Variants in MYO16 observed in about 807,000 individuals in gnomAD.
MYO16 encodes the protein unconventional myosin-XVI.
MYO16 carries 94 observed loss-of-function variants against 205.3 expected under a neutral mutation model. The observed-to-expected ratio is 0.46, with a 90% CI of 0.39 to 0.54. MYO16 has a LOEUF of 0.54. Ranked by LOEUF, MYO16 falls within the 20% of genes least tolerant of loss-of-function variation. The pLI, the probability that MYO16 is intolerant of heterozygous loss-of-function variation, is 0.00. For synonymous variants in MYO16, 988 were observed against 954.0 expected, an observed-to-expected ratio of 1.04 and a Z score of -0.66; for missense variants, 2,315 against 2,387.5, an observed-to-expected ratio of 0.97 and a Z score of 0.63.
chr13:108,650,055 T>C (rs1880930360), intron 1 of MYO16, among the ~76,000 whole-genome samples: 1 of 152,130 alleles, frequency 6.6e-6, no homozygotes, highest in Non-Finnish European at 1.5e-5. Context: ...AAATGTGAAC[T>C]TTAGTTTTGT....
intron 6 of MYO16, among the ~76,000 whole-genome samples, chr13:108,798,979 A>C (rs944325041): frequency 1.3e-5 from 2 of 151,898 alleles, no homozygotes; most frequent in East Asian, 1.9e-4. Context: ...TGCTGGGATT[A>C]CAGGCGTGAG....
At chr13:108,552,471 A>G in the MYO16 span, among the ~76,000 whole-genome samples, 1 of 152,100 alleles carries the variant, frequency 6.6e-6, no homozygotes, top group Non-Finnish European at 1.5e-5. Context: ...CCTGAGGTGC[A>G]GGAGCTTCCT....
At chr13:109,092,313 T>C (rs775840603) in intron 27 of MYO16, among the ~76,000 whole-genome samples, 10 of 152,208 alleles carry the variant, frequency 6.6e-5, no homozygotes, top group Non-Finnish European at 1.5e-4. Flanking sequence ...TAAAATTCAC[T>C]ATGTTTTAAA....
At chr13:108,557,426 G>A in the MYO16 span, among the ~76,000 whole-genome samples, 1 of 152,044 alleles carries the variant, frequency 6.6e-6, no homozygotes, top group South Asian at 2.1e-4. Flanking sequence ...TTGTTTGTGT[G>A]CACAAACCAT....
chr13:108,555,340 A>G, the MYO16 span, among the ~76,000 whole-genome samples: 7 of 152,330 alleles, frequency 4.6e-5, no homozygotes, highest in South Asian at 1.0e-3. Flanking sequence ...TAAAAATTGA[A>G]TGTGTTCATT....
chr13:108,842,829 C>T (rs1050757017), intron 9 of MYO16, among the ~76,000 whole-genome samples: 2 of 151,972 alleles, frequency 1.3e-5, no homozygotes, highest in Non-Finnish European at 2.9e-5. Context: ...GCATTATTCA[C>T]GATAGTAATA....
At chr13:109,191,672 A>G (rs1879922933) in intron 34 of MYO16, among the ~76,000 whole-genome samples, 1 of 152,212 alleles carries the variant, frequency 6.6e-6, no homozygotes, top group Non-Finnish European at 1.5e-5. Context: ...GTGTGGCTGC[A>G]GTGAGATTAC....
intron 10 of MYO16, among the ~76,000 whole-genome samples, chr13:108,848,963 C>T (rs1355331526): frequency 2.6e-5 from 4 of 151,158 alleles, no homozygotes; most frequent in East Asian, 3.9e-4. Flanking sequence ...CATGTGTGCA[C>T]GAGCACACAG....
intron 23 of MYO16, among the ~76,000 whole-genome samples, chr13:109,022,706 TATATATACGCATATAAACATATGTA>T (rs1217798302): frequency 0.019 from 2,100 of 113,066 alleles, 141 homozygotes; most frequent in South Asian, 0.029. Flanking sequence ...ATTTATATAT[TATATATACGCATATAAACATATGTA>T]TATATTATAT....
intron 31 of MYO16, among the ~76,000 whole-genome samples, chr13:109,137,200 A>C (rs1486382088): frequency 1.3e-5 from 2 of 152,294 alleles, no homozygotes; most frequent in Admixed American, 6.5e-5. Context: ...TGTACATGGA[A>C]GTCAGGGCTA....
At chr13:108,970,401 G>A (rs567358228) in intron 20 of MYO16, among the ~76,000 whole-genome samples, 1 of 152,266 alleles carries the variant, frequency 6.6e-6, no homozygotes, top group African/African-American at 2.4e-5. Context: ...CAGGTCCCGA[G>A]ACTTTTCTGG....
intron 23 of MYO16, among the ~76,000 whole-genome samples, chr13:109,022,376 TATATACAA>T (rs1187829595): frequency 1.3e-5 from 1 of 79,820 alleles, no homozygotes; most frequent in East Asian, 3.4e-4. Context: ...GTATGTATTA[TATATACAA>T]ATATACATAT....
Position 109,042,462 on chromosome 13 carries a change from G to A in MYO16, c.2797-4454G>A, listed in dbSNP as rs149881541. On this transcript the variant is annotated intron_variant, in intron 23 of 34. Coordinates refer to ENST00000457511, the MANE Select transcript of MYO16 (RefSeq NM_001198950.3). ...TTCACAAAAATTTGCAAGATGTCCC[G>A]GAGGGAATACTTGATTCCAAATTTA... Among the ~76,000 whole-genome samples, 60 of 152,166 alleles carry A rather than the reference G, an allele frequency of 3.9e-4. No homozygotes were observed. In the Middle Eastern group the frequency reaches 0.014, roughly 35 times the overall value.
intron 28 of MYO16, among the ~76,000 whole-genome samples, chr13:109,119,421 CT>C (rs1418640921): frequency 6.6e-6 from 1 of 152,182 alleles, no homozygotes; most frequent in Non-Finnish European, 1.5e-5. Flanking sequence ...AGAATATCAT[CT>C]CAGAGCTTCC....
intron 28 of MYO16, among the ~76,000 whole-genome samples, chr13:109,116,250 A>C (rs943982334): frequency 6.6e-6 from 1 of 151,926 alleles, no homozygotes; most frequent in Admixed American, 6.6e-5. Context: ...CAGATCTCCA[A>C]CCTCCACCGA....
intron 9 of MYO16, among the ~76,000 whole-genome samples, chr13:108,837,542 G>C (rs1047502834): frequency 6.6e-6 from 1 of 152,134 alleles, no homozygotes; most frequent in Non-Finnish European, 1.5e-5. Flanking sequence ...CAAAACTGTA[G>C]GGCTTGATAC....
intron 21 of MYO16, among the ~76,000 whole-genome samples, chr13:108,998,306 T>C (rs1885101234): frequency 6.6e-6 from 1 of 152,204 alleles, no homozygotes; most frequent in African/African-American, 2.4e-5. Flanking sequence ...CTGGCTTAGT[T>C]GCATCAGTAA....
intron 33 of MYO16, among the ~76,000 whole-genome samples, chr13:109,175,826 G>T (rs1879145121): frequency 8.8e-6 from 1 of 113,906 alleles, no homozygotes. Flanking sequence ...CCTCCAACAC[G>T]ATTGGAGTCT....
chr13:109,061,759 G>C (rs1244024847), intron 27 of MYO16, among the ~76,000 whole-genome samples: 1 of 152,154 alleles, frequency 6.6e-6, no homozygotes, highest in African/African-American at 2.4e-5. Context: ...GAAGTGAAGT[G>C]TGAACGTGTT....
Sources: gnomAD v4.1 joint callset for allele counts (sites outside exome capture counted in the v4.1 genomes callset) on GRCh38, gnomAD v4.1.1 for gene constraint, MANE v1.5 for transcripts, NCBI Gene and HGNC (gene_info 2026-07-23, HGNC 2026-07-21) for gene names.